The following FANCL variants were observed in gnomAD, a reference collection of about 807,000 sequenced individuals.
FANCL encodes the protein FA complementation group L, also known as E3 ubiquitin-protein ligase FANCL.
Under a neutral mutation model 59.4 loss-of-function variants are expected in FANCL, and 69 were observed. That is an observed-to-expected ratio of 1.16 (90% CI 0.96 to 1.42). The LOEUF (loss-of-function observed/expected upper bound fraction) is 1.42, where lower values mean the gene tolerates loss of function less well. Ranked by LOEUF, FANCL falls within the 40% of genes most tolerant of loss-of-function variation. FANCL has a pLI of 0.00. For missense variants in FANCL, 519 were observed against 447.2 expected, an observed-to-expected ratio of 1.16 and a Z score of -1.45; for synonymous variants, 180 against 147.1, an observed-to-expected ratio of 1.22 and a Z score of -1.62.
chr2:58,235,223 C>T (rs1229722275), intron 1 of FANCL, among the ~76,000 whole-genome samples: 3 of 151,936 alleles, frequency 2.0e-5, no homozygotes, highest in Non-Finnish European at 2.9e-5. Context: ...GGATTCCTGA[C>T]AAGGAGTCTT....
chr2:58,194,926 C>CAA (rs200645448), intron 7 of FANCL, among the ~76,000 whole-genome samples: 5,038 of 146,088 alleles, frequency 0.034, 107 homozygotes, highest in East Asian at 0.095. Context: ...TATTATATCA[C>CAA]AAAAAAAAAA....
At chr2:58,199,948 CA>C (rs1286993034) in intron 6 of FANCL, among the ~76,000 whole-genome samples, 1 of 151,546 alleles carries the variant, frequency 6.6e-6, no homozygotes, top group Non-Finnish European at 1.5e-5. Flanking sequence ...TCAACACTTT[CA>C]AAAAAATTAA....
intron 7 of FANCL, among the ~76,000 whole-genome samples, chr2:58,170,011 A>T (rs963230703): frequency 1.2e-4 from 18 of 151,810 alleles, no homozygotes; most frequent in African/African-American, 4.3e-4. Context: ...CTTCTCCAAC[A>T]TTCCAATTCA....
chr2:58,165,956 T>C lies in FANCL; in HGVS notation c.541-82A>G, dbSNP rs1446179142. 4 of 1,425,174 alleles carry C rather than the reference T, an allele frequency of 2.8e-6. No individual in the cohort carries two copies. In the African/African-American group the frequency reaches 5.7e-5, roughly 20 times the overall value. 88.3% of individuals were successfully genotyped at this position (1,425,174 alleles called of 1,614,324 possible). On this transcript the variant is annotated intron_variant, in intron 7 of 13. Coordinates refer to ENST00000233741, the MANE Select transcript of FANCL (RefSeq NM_018062.4). ...TCTTTTACTTAAAATACACTCAATT[T>C]AGAAATTTTAAGCTGTTTCATTTTA...
At chr2:58,174,905 G>GAAGAA (rs1184011021) in intron 7 of FANCL, among the ~76,000 whole-genome samples, 2 of 150,706 alleles carry the variant, frequency 1.3e-5, no homozygotes. Flanking sequence ...GACTAATAAA[G>GAAGAA]AAGAGAGAAG....
At chr2:58,233,944 G>A (rs1177915288) in intron 1 of FANCL, among the ~76,000 whole-genome samples, 4 of 151,872 alleles carry the variant, frequency 2.6e-5, no homozygotes, top group South Asian at 2.1e-4. Context: ...GCTCTTATAC[G>A]AGTAAATAAA....
At chr2:58,192,462 A>G (rs1689017580) in intron 7 of FANCL, among the ~76,000 whole-genome samples, 2 of 151,960 alleles carry the variant, frequency 1.3e-5, no homozygotes, top group Admixed American at 1.3e-4. Context: ...GTTTTTTAAA[A>G]AGTGACCTCT....
At chr2:58,236,615 T>C (rs1179551395) in intron 1 of FANCL, among the ~76,000 whole-genome samples, 1 of 151,946 alleles carries the variant, frequency 6.6e-6, no homozygotes, top group Non-Finnish European at 1.5e-5. Flanking sequence ...CAAGAGTAGA[T>C]TTAAATCCAA....
At chr2:58,160,267 A>G in intron 12 of FANCL, 88 bp from the exon 13 acceptor site, 3 of 1,348,392 alleles carry the variant, frequency 2.2e-6, no homozygotes, top group Non-Finnish European at 3.2e-6. Flanking sequence ...TTTTAAGTGC[A>G]TTATGTTTTT....
At chr2:58,227,333 T>G (rs1212144879) in intron 3 of FANCL, among the ~76,000 whole-genome samples, 2 of 152,228 alleles carry the variant, frequency 1.3e-5, no homozygotes, top group Non-Finnish European at 2.9e-5. Context: ...GACAAAGAAC[T>G]TTCTGTATCC....
chr2:58,197,767 T>C (rs1050297837), intron 7 of FANCL, among the ~76,000 whole-genome samples: 23 of 152,176 alleles, frequency 1.5e-4, no homozygotes, highest in African/African-American at 5.5e-4. Flanking sequence ...TAAGGACAAA[T>C]ACTTTAAAAC....
intron 7 of FANCL, among the ~76,000 whole-genome samples, chr2:58,174,544 T>C (rs542381915): frequency 1.3e-5 from 2 of 151,928 alleles, no homozygotes; most frequent in South Asian, 2.1e-4. Context: ...GACTACTGGG[T>C]ACATAACAAA....
At chr2:58,206,329 T>C (rs1026723959) in intron 5 of FANCL, among the ~76,000 whole-genome samples, 10 of 144,880 alleles carry the variant, frequency 6.9e-5, no homozygotes, top group Non-Finnish European at 1.5e-4. Context: ...AGGCAGATTA[T>C]TTAGAAACAT....
At chr2:58,168,277 T>C (rs1041601596) in intron 7 of FANCL, among the ~76,000 whole-genome samples, 6 of 152,088 alleles carry the variant, frequency 3.9e-5, no homozygotes, top group African/African-American at 7.2e-5. Flanking sequence ...ACTGGTTAGA[T>C]AGTGGGTGCA....
chr2:58,181,519 A>G (rs1030527709), intron 7 of FANCL, among the ~76,000 whole-genome samples: 2 of 152,048 alleles, frequency 1.3e-5, no homozygotes, highest in Non-Finnish European at 2.9e-5. Context: ...CAAATTTTAC[A>G]AAGAACTGAA....
chr2:58,195,461 TA>T (rs1399774109), intron 7 of FANCL, among the ~76,000 whole-genome samples: 1 of 152,174 alleles, frequency 6.6e-6, no homozygotes, highest in African/African-American at 2.4e-5. Context: ...ATCTCATACT[TA>T]AATACTTAAA....
At chr2:58,237,660 T>A (rs181979078) in intron 1 of FANCL, among the ~76,000 whole-genome samples, 3 of 152,164 alleles carry the variant, frequency 2.0e-5, no homozygotes, top group African/African-American at 7.2e-5. Context: ...TAAACCTCTA[T>A]CTAGATGTAT....
intron 7 of FANCL, among the ~76,000 whole-genome samples, chr2:58,175,866 T>C (rs1337471139): frequency 2.6e-4 from 39 of 151,986 alleles, no homozygotes; most frequent in Admixed American, 5.2e-4. Context: ...GACGACATGA[T>C]TGTATATCTA....
At chr2:58,162,744 G>C in intron 11 of FANCL, 122 bp downstream of exon 11, 1 of 861,314 alleles carries the variant, frequency 1.2e-6, no homozygotes, top group Non-Finnish European at 1.9e-6. Context: ...ATGCAGATCA[G>C]AAGTCTGTGT....
Sources: allele counts gnomAD v4.1 joint callset (sites outside exome capture counted in the v4.1 genomes callset), GRCh38; gene constraint gnomAD v4.1.1; transcripts MANE v1.5; gene names NCBI Gene and HGNC (gene_info 2026-07-23, HGNC 2026-07-21).